COL21A1: variants seen among roughly 807,000 people sequenced by gnomAD.
COL21A1 encodes the protein collagen type XXI alpha 1 chain.
COL21A1 carries 149 observed loss-of-function variants against 137.9 expected under a neutral mutation model. That is an observed-to-expected ratio of 1.08 (90% confidence interval 0.95 to 1.24). The LOEUF is 1.24. Among genes scored for constraint, COL21A1 ranks in the 50% most tolerant of loss-of-function variants. The pLI is 0.00. For missense variants in COL21A1, 1,167 were observed against 1,158.4 expected (o/e 1.01, Z -0.11); for synonymous variants, 456 against 391.5 (o/e 1.16, Z -1.95).
chr6:56,257,769 A>C (rs1763140938), intron 1 of COL21A1, among the ~76,000 whole-genome samples: 1 of 152,208 alleles, frequency 6.6e-6, no homozygotes, highest in African/African-American at 2.4e-5. Context: ...AATATCATAA[A>C]ATATTCTTTT....
At chr6:56,316,563 CCT>C (rs1034388737) in intron 1 of COL21A1, among the ~76,000 whole-genome samples, 25 of 137,904 alleles carry the variant, frequency 1.8e-4, no homozygotes, top group South Asian at 2.5e-4. Context: ...CTCACTGCAA[CCT>C]CTGTCTCTCA....
chr6:56,116,843 T>C (rs112742190), intron 16 of COL21A1, among the ~76,000 whole-genome samples: 2,296 of 152,220 alleles, frequency 0.015, 34 homozygotes, highest in Middle Eastern at 0.037. Context: ...TTAGTTTTCT[T>C]TTTGCTTGTT....
rs576297849 is a variant in COL21A1, at chr6:56,170,974, T to C, written c.795A>G (p.Leu265=). ...KGYEVTSKVD[L]SELTSNVFPE... ...ATAATGCATACCTTGTGAGTTCTGA[T>C]AAATCAACTTTTGATGTTACTTCAT... Residue 265 remains leucine, a synonymous_variant, in exon 4 of 30, where the codon TTA becomes TTG. Transcript: ENST00000244728. The C allele has an allele frequency of 1.9e-6, 3 of 1,603,414 alleles. No homozygotes were observed. The highest frequency in any genetic ancestry group is 4.5e-5 in the East Asian group (2 of 44,766).
At chr6:56,378,251 C>A (rs539640922) in intron 1 of COL21A1, among the ~76,000 whole-genome samples, 18 of 152,210 alleles carry the variant, frequency 1.2e-4, no homozygotes, top group Non-Finnish European at 2.4e-4. Flanking sequence ...CACAGTGGGG[C>A]CCCAAGAACT....
At chr6:56,318,213 T>C (rs1764785786) in intron 1 of COL21A1, among the ~76,000 whole-genome samples, 1 of 152,122 alleles carries the variant, frequency 6.6e-6, no homozygotes, top group Non-Finnish European at 1.5e-5. Context: ...CTCAAACCCC[T>C]TTCTTCTTCT....
intron 16 of COL21A1, among the ~76,000 whole-genome samples, chr6:56,114,937 T>G (rs1216250235): frequency 6.7e-6 from 1 of 149,984 alleles, no homozygotes. Context: ...TGTCCAACAA[T>G]GATAGACTGG....
intron 1 of COL21A1, among the ~76,000 whole-genome samples, chr6:56,274,033 A>G (rs1460886291): frequency 6.6e-6 from 1 of 152,172 alleles, no homozygotes; most frequent in Non-Finnish European, 1.5e-5. Flanking sequence ...ATAATACACC[A>G]CAAACAAGTA....
intron 1 of COL21A1, among the ~76,000 whole-genome samples, chr6:56,190,245 A>G (rs1466288924): frequency 6.6e-6 from 1 of 152,224 alleles, no homozygotes; most frequent in Non-Finnish European, 1.5e-5. Flanking sequence ...GGAATAAAAA[A>G]TGATATAGGG....
rs574894420 is a variant in COL21A1, at chr6:56,203,428, C to A, written c.-38-20772G>T. Reference sequence around the variant, plus strand: ...CATCAAGTGATATGAATAAAATCATCAGTAAGTAACTCTAGCACCTCAATT... The same window carrying A: ...CATCAAGTGATATGAATAAAATCATAAGTAAGTAACTCTAGCACCTCAATT... On this transcript the variant is annotated intron_variant, in intron 1 of 29. Coordinates refer to ENST00000244728, the MANE Select transcript of COL21A1 (RefSeq NM_030820.4). 4.6e-5 allele frequency among the ~76,000 whole-genome samples: 7 copies of A among 152,282 alleles called. No individual in the cohort carries two copies. The South Asian group carries it at 1.5e-3, about 32-fold the overall frequency.
intron 1 of COL21A1, among the ~76,000 whole-genome samples, chr6:56,376,382 T>C (rs1380127296): frequency 6.6e-6 from 1 of 151,676 alleles, no homozygotes; most frequent in Non-Finnish European, 1.5e-5. Flanking sequence ...TTTGGAAAGC[T>C]TGGCTGAGAA....
intron 16 of COL21A1, among the ~76,000 whole-genome samples, chr6:56,116,304 G>C (rs1435209102): frequency 6.7e-6 from 1 of 149,162 alleles, no homozygotes; most frequent in Non-Finnish European, 1.5e-5. Context: ...ATACAATGGA[G>C]CTCCAATATG....
chr6:56,362,252 TG>T (rs1765991245), intron 1 of COL21A1, among the ~76,000 whole-genome samples: 1 of 152,204 alleles, frequency 6.6e-6, no homozygotes, highest in Admixed American at 6.5e-5. Context: ...TAATCGTGTC[TG>T]AAGAAAACTC....
At chr6:56,301,404 C>T (rs938709501) in intron 1 of COL21A1, among the ~76,000 whole-genome samples, 4 of 152,162 alleles carry the variant, frequency 2.6e-5, no homozygotes, top group Non-Finnish European at 5.9e-5. Context: ...CCTCTGGAGC[C>T]TCCAGACATG....
chr6:56,377,877 C>T (rs527601558), intron 1 of COL21A1, among the ~76,000 whole-genome samples: 1 of 151,988 alleles, frequency 6.6e-6, no homozygotes, highest in East Asian at 1.9e-4. Context: ...TCCTGGATAC[C>T]GCCAGCCACA....
chr6:56,338,692 C>T (rs1305130022), intron 1 of COL21A1, among the ~76,000 whole-genome samples: 1 of 152,210 alleles, frequency 6.6e-6, no homozygotes, highest in Non-Finnish European at 1.5e-5. Context: ...AGGGCTCCAT[C>T]TTAGGGGCTT....
At chr6:56,110,959 C>T (rs1201159049) in intron 16 of COL21A1, among the ~76,000 whole-genome samples, 1 of 152,030 alleles carries the variant, frequency 6.6e-6, no homozygotes, top group Non-Finnish European at 1.5e-5. Context: ...AGTCTACACC[C>T]CACCTTGAGT....
At chr6:56,085,035 C>T (rs1383039640) in intron 17 of COL21A1, among the ~76,000 whole-genome samples, 4 of 152,034 alleles carry the variant, frequency 2.6e-5, no homozygotes, top group African/African-American at 9.7e-5. Flanking sequence ...GGAGCACTTT[C>T]TTTCACAGGA....
chr6:56,130,474 A>G (rs1044521982), intron 12 of COL21A1, among the ~76,000 whole-genome samples: 1 of 152,000 alleles, frequency 6.6e-6, no homozygotes, highest in Non-Finnish European at 1.5e-5. Context: ...AATGTTTAAT[A>G]AAACTATAGA....
chr6:56,270,430 G>T (rs1043298387), intron 1 of COL21A1, among the ~76,000 whole-genome samples: 2 of 152,172 alleles, frequency 1.3e-5, no homozygotes, highest in Admixed American at 6.5e-5. Flanking sequence ...AGTTCCTCTT[G>T]ACTGATGAAA....
Sources: allele counts gnomAD v4.1 joint callset (sites outside exome capture counted in the v4.1 genomes callset), GRCh38; gene constraint gnomAD v4.1.1; transcripts MANE v1.5; gene names NCBI Gene and HGNC (gene_info 2026-07-23, HGNC 2026-07-21).